SOCS5: variants seen among roughly 807,000 people sequenced by gnomAD.
The protein encoded by SOCS5 is CIS-6.
SOCS5 carries 32 observed loss-of-function variants against 42.8 expected under a neutral mutation model. That is an observed-to-expected ratio of 0.75 (90% CI 0.56 to 1.01). The LOEUF is 1.01. Among genes scored for constraint, SOCS5 ranks in the 50% least tolerant of loss-of-function variants. The pLI, the probability that SOCS5 is intolerant of heterozygous loss-of-function variation, is 0.00. For missense variants in SOCS5, 627 were observed against 653.0 expected (o/e 0.96, Z 0.43); for synonymous variants, 283 against 229.6 (o/e 1.23, Z -2.10).
At chr2:46,742,424 T>C (rs1673399669) in intron 1 of SOCS5, among the ~76,000 whole-genome samples, 2 of 149,660 alleles carry the variant, frequency 1.3e-5, no homozygotes, top group Admixed American at 1.3e-4. Context: ...ATAAAATATA[T>C]ATATTAATTT....
rs371036171 is a variant in SOCS5 at position 46,713,434 on chromosome 2, T to C, written c.-13+13985T>C. On this transcript the variant is annotated intron_variant, in intron 1 of 1. Coordinates refer to ENST00000394861, the MANE Select transcript of SOCS5 (RefSeq NM_144949.3). ...GGTAATTTGCATTTTGGAGAATCTG[T>C]TGAATTTATCAGCATGAAAATAAAT... is the stretch of plus-strand genomic sequence containing the variant. 9.2e-5 allele frequency among the ~76,000 whole-genome samples: 14 copies of C among 152,348 alleles called. No homozygotes were observed. The East Asian group carries it at 1.9e-3, about 21-fold the overall frequency.
At chr2:46,748,189 C>CTTTTTTTTTTTTT (rs35861326) in intron 1 of SOCS5, among the ~76,000 whole-genome samples, 1 of 138,788 alleles carries the variant, frequency 7.2e-6, no homozygotes. Flanking sequence ...TTTTCTTTTT[C>CTTTTTTTTTTTTT]TTTTTTTTTT....
intron 1 of SOCS5, among the ~76,000 whole-genome samples, chr2:46,707,263 C>G (rs928842353): frequency 1.3e-5 from 2 of 152,126 alleles, no homozygotes; most frequent in Non-Finnish European, 2.9e-5. Flanking sequence ...AGTGGAAGCT[C>G]AGGAGATAGT....
chr2:46,710,286 A>G (rs901801318), intron 1 of SOCS5, among the ~76,000 whole-genome samples: 1 of 152,156 alleles, frequency 6.6e-6, no homozygotes, highest in Middle Eastern at 3.2e-3. Context: ...AACTGGGATT[A>G]CAGGTGTGTG....
Position 46,709,037 on chromosome 2 carries a change from C to T in SOCS5, c.-13+9588C>T, listed in dbSNP as rs149503586. Among the ~76,000 whole-genome samples, 890 of 152,184 alleles carry T rather than the reference C, an allele frequency of 5.8e-3. 12 individuals are homozygous for T. Among genetic ancestry groups the T allele is most frequent in the African/African-American group, 0.021 (855 of 41,520 alleles). On this transcript the variant is annotated intron_variant, in intron 1 of 1. Transcript: ENST00000394861. ...AAGTAGCGGGGACTACAGGCATGCACCACCACGCCTGGCTAATTTTTGTAT... is the reference window on the plus strand; with the variant it reads ...AAGTAGCGGGGACTACAGGCATGCATCACCACGCCTGGCTAATTTTTGTAT...
chr2:46,713,124 G>A (rs968865711), intron 1 of SOCS5, among the ~76,000 whole-genome samples: 5 of 152,208 alleles, frequency 3.3e-5, no homozygotes, highest in Non-Finnish European at 7.3e-5. Context: ...GGGAGACTGA[G>A]GTGGAAGGAT....
At position 46,759,862 on chromosome 2, in the gene SOCS5, G is replaced by T. The variant is rs1257746978; in HGVS notation, c.1332G>T (p.Pro444=). Residue 444 remains proline (P), a synonymous_variant, in exon 2 of 2, where the codon CCG becomes CCT. Transcript: ENST00000394861. ...ACTTTAGTTTCGACGCCCATGACCC[G>T]TGTGTATTTCACTCCTCCACTGTAA... ...NHNFSFDAHD[P]CVFHSSTVTG... is the part of the protein sequence containing the mutation. 6.2e-7 allele frequency: 1 copy of T among 1,614,096 alleles called. No individual in the cohort carries two copies. Among genetic ancestry groups the T allele is most frequent in the South Asian group, 1.1e-5 (1 of 91,074 alleles).
chr2:46,742,081 T>C (rs1181801904), intron 1 of SOCS5, among the ~76,000 whole-genome samples: 1 of 152,162 alleles, frequency 6.6e-6, no homozygotes, highest in African/African-American at 2.4e-5. Flanking sequence ...AAAAACAAAC[T>C]TTGACAGGTT....
In SOCS5 at chr2:46,699,511, C is replaced by T. The variant is rs1672294135; in HGVS notation, c.-13+62C>T. On this transcript the variant is annotated intron_variant, in intron 1 of 1. Transcript: ENST00000394861. This position sits in a 1 kb window ranked among gnomAD's most constrained non-coding sequence, Gnocchi z 4.8. ...GCTCCCCGGCCCCCGCGCCGTCGTC[C>T]GCGGCCGCCTCTCGGTGCCCCAGTG... is the stretch of plus-strand genomic sequence containing the variant. The T allele has an allele frequency of 6.6e-6, 1 of 151,726 alleles. No individual in the cohort carries two copies. The highest frequency in any genetic ancestry group is 1.8e-4 in the South Asian group (1 of 5,448). 9.4% of individuals were successfully genotyped at this position (151,726 alleles called of 1,614,324 possible).
At chr2:46,746,315 G>A (rs532931074) in intron 1 of SOCS5, among the ~76,000 whole-genome samples, 4 of 152,176 alleles carry the variant, frequency 2.6e-5, no homozygotes, top group East Asian at 3.9e-4. Flanking sequence ...AGAATATCTA[G>A]CATGTTTTCT....
In SOCS5 at chr2:46,759,034, C is replaced by G; in HGVS notation, c.504C>G (p.Ser168=). The G allele has an allele frequency of 6.2e-7, 1 of 1,613,952 alleles. No homozygotes were observed. The highest frequency in any genetic ancestry group is 8.5e-7 in the Non-Finnish European group (1 of 1,179,856). The change falls in exon 2 of 2, where the codon TCC becomes TCG. Residue 168 remains serine (S), a synonymous_variant. Coordinates refer to ENST00000394861, the MANE Select transcript of SOCS5 (RefSeq NM_144949.3). The part of the protein sequence containing the change: ...VSSVHDMDSV[S]SRTVGSRSLR... Reference sequence around the variant, plus strand: ...CTGTACACGACATGGACAGTGTTTCCAGCAGAACTGTAGGAAGTCGCTCTC... The same window carrying G: ...CTGTACACGACATGGACAGTGTTTCGAGCAGAACTGTAGGAAGTCGCTCTC...
At position 46,760,558 on chromosome 2, in the gene SOCS5, G is replaced by C. The variant is rs764772689; in HGVS notation, c.*417G>C. ...GTTTTTCTATAACCTTCCAAAAGTC[G>C]TGATGTTTGTAGTTACTATAAATCA... is the stretch of plus-strand genomic sequence containing the variant. On this transcript the variant is annotated 3_prime_UTR_variant, in exon 2 of 2. Coordinates refer to ENST00000394861, the MANE Select transcript of SOCS5 (RefSeq NM_144949.3). 9.2e-5 allele frequency: 16 copies of C among 173,440 alleles called. No homozygotes were observed. Among genetic ancestry groups the C allele is most frequent in the Non-Finnish European group, 1.4e-4 (10 of 72,234 alleles). The allele number at this position is 173,440 out of a possible 1,614,324, so 10.7% of individuals were successfully genotyped here.
intron 1 of SOCS5, among the ~76,000 whole-genome samples, chr2:46,742,802 A>G (rs1673408040): frequency 6.6e-6 from 1 of 152,104 alleles, no homozygotes; most frequent in South Asian, 2.1e-4. Flanking sequence ...AGTAGCTCAC[A>G]TTACAGGCAC....
At position 46,738,566 on chromosome 2, in the gene SOCS5, C is replaced by G. The variant is rs183977682; in HGVS notation, c.-12-19953C>G. Among the ~76,000 whole-genome samples, 11 of 152,272 alleles carry G rather than the reference C, an allele frequency of 7.2e-5. No individual in the cohort carries two copies. In the East Asian group the frequency reaches 2.1e-3, roughly 29 times the overall value. ...TGGAGAATAGCCAGATTGGGACAGA[C>G]TTTTAGGCTGTTAGTGGACTGAAGA... On this transcript the variant is annotated intron_variant, in intron 1 of 1. Transcript: ENST00000394861.
At position 46,759,491 on chromosome 2, in the gene SOCS5, A is replaced by G; in HGVS notation, c.961A>G (p.Asn321Asp). Residue 321 changes from asparagine to aspartate, a missense_variant, in exon 2 of 2, where the codon AAT (asparagine) becomes GAT (aspartate). Coordinates refer to ENST00000394861, the MANE Select transcript of SOCS5 (RefSeq NM_144949.3). ...SGDSSAIPQA[N>D]CDSEEDTTTL... ...GGACAGTTCTGCAATTCCACAAGCT[A>G]ATTGTGACTCGGAAGAGGATACAAC... 6.2e-7 allele frequency: 1 copy of G among 1,614,018 alleles called. No homozygotes were observed. Among genetic ancestry groups the G allele is most frequent in the East Asian group, 2.2e-5 (1 of 44,880 alleles).
chr2:46,717,692 T>C (rs186344646), intron 1 of SOCS5, among the ~76,000 whole-genome samples: 73 of 152,356 alleles, frequency 4.8e-4, no homozygotes, highest in Non-Finnish European at 9.4e-4. Context: ...TTTGGTTTTA[T>C]GCAATTTTGT....
chr2:46,716,177 T>C (rs1172402772), intron 1 of SOCS5, among the ~76,000 whole-genome samples: 1 of 151,556 alleles, frequency 6.6e-6, no homozygotes, highest in African/African-American at 2.4e-5. Context: ...CTATGAGGTA[T>C]TTCCTTTTTT....
chr2:46,759,628 A>G lies in SOCS5; in HGVS notation c.1098A>G (p.Ile366Met). 2 of 1,614,042 alleles carry G rather than the reference A, an allele frequency of 1.2e-6. No homozygotes were observed. Among genetic ancestry groups the G allele is most frequent in the Non-Finnish European group, 1.7e-6 (2 of 1,179,894 alleles). ...AAGTCCACACACAGATTGATTACAT[A>G]CACTGCCTCGTGCCTGATTTGCTTC... ...AWKVHTQIDY[I>M]HCLVPDLLQI... Residue 366 changes from isoleucine (I) to methionine (M), a missense_variant, in exon 2 of 2, where the codon ATA becomes ATG. By Grantham distance (10) the Ile-to-Met change is conservative. Around this residue, in one of 3 missense-constraint regions of SOCS5, gnomAD observed 340 missense variants for 367.6 expected, o/e 0.92. Transcript: ENST00000394861.
chr2:46,742,722 A>C (rs569868281), intron 1 of SOCS5, among the ~76,000 whole-genome samples: 1 of 151,810 alleles, frequency 6.6e-6, no homozygotes, highest in Non-Finnish European at 1.5e-5. Context: ...CTGGAGTGCA[A>C]TGGCGCGATC....
Sources: allele counts gnomAD v4.1 joint callset (sites outside exome capture counted in the v4.1 genomes callset), GRCh38; gene constraint gnomAD v4.1.1; regional missense constraint gnomAD v4.1.1; non-coding constraint Gnocchi (gnomAD v3.1); transcripts MANE v1.5; gene names NCBI Gene and HGNC (gene_info 2026-07-23, HGNC 2026-07-21).